ACVR2B: variants seen among roughly 807,000 people sequenced by gnomAD.
ACVR2B encodes activin A receptor type 2B.
ACVR2B carries 18 observed loss-of-function variants against 65.1 expected under a neutral mutation model. That is an observed-to-expected ratio of 0.28 (90% CI 0.19 to 0.41). ACVR2B has a LOEUF of 0.41. Ranked by LOEUF, ACVR2B falls within the 10% of genes least tolerant of loss-of-function variation. The pLI, the probability that ACVR2B is intolerant of heterozygous loss-of-function variation, is 1.00. For missense variants in ACVR2B, 482 were observed against 682.7 expected (o/e 0.71, Z 3.28); for synonymous variants, 298 against 277.7 (o/e 1.07, Z -0.73).
rs1191036941 is a variant in ACVR2B, at chr3:38,477,714, G to A, written c.261-147G>A. Reference sequence around the variant, plus strand: ...CCCCTGGCTGTTCTTCCTTGGCTTTGGGTCTCCTGTAGGGGAGGTGAGTTC... The same window carrying A: ...CCCCTGGCTGTTCTTCCTTGGCTTTAGGTCTCCTGTAGGGGAGGTGAGTTC... On this transcript the variant is annotated intron_variant, in intron 2 of 10. Coordinates refer to ENST00000352511, the MANE Select transcript of ACVR2B (RefSeq NM_001106.4). This position sits in a 1 kb window ranked among gnomAD's most constrained non-coding sequence, Gnocchi z 6.7. 4.8e-6 allele frequency: 5 copies of A among 1,052,138 alleles called. No homozygotes were observed. Among genetic ancestry groups the A allele is most frequent in the Non-Finnish European group, 6.0e-6 (4 of 670,534 alleles). 65.2% of individuals were successfully genotyped at this position (1,052,138 alleles called of 1,614,324 possible). A position where few individuals can be genotyped will look rare whatever the true frequency, so the allele number is the denominator to read the frequency against.
Position 38,487,169 on chromosome 3 carries a change from G to A in ACVR2B, c.*3837G>A, listed in dbSNP as rs1224664065. On this transcript the variant is annotated 3_prime_UTR_variant, in exon 11 of 11. Transcript: ENST00000352511. Reference sequence around the variant, plus strand: ...GAGCCTGTGGGACCAGTCCTGCCTGGGGAGGGCATACCCACACGTGCCAGC... The same window carrying A: ...GAGCCTGTGGGACCAGTCCTGCCTGAGGAGGGCATACCCACACGTGCCAGC... 6.6e-6 allele frequency: 1 copy of A among 152,332 alleles called. No individual in the cohort carries two copies. The highest frequency in any genetic ancestry group is 1.5e-5 in the Non-Finnish European group (1 of 68,148). 9.4% of individuals were successfully genotyped at this position (152,332 alleles called of 1,614,324 possible). A position where few individuals can be genotyped will look rare whatever the true frequency, so the allele number is the denominator to read the frequency against.
chr3:38,464,946 T>C lies in ACVR2B; in HGVS notation c.52+10572T>C, dbSNP rs571990271. Among the ~76,000 whole-genome samples the C allele has an allele frequency of 1.5e-4, 23 of 152,258 alleles. No homozygotes were observed. The South Asian group carries it at 4.6e-3, about 30-fold the overall frequency. ...GGTACCTTTAGACATGTTAATTCTTTCTAGAGGATTTATGTCATCCTAGGC... is the reference window on the plus strand; with the variant it reads ...GGTACCTTTAGACATGTTAATTCTTCCTAGAGGATTTATGTCATCCTAGGC... On this transcript the variant is annotated intron_variant, in intron 1 of 10. Transcript: ENST00000352511.
rs1320772665 is a variant in ACVR2B at position 38,489,707 on chromosome 3, G to T, written c.*6375G>T. 1 of 152,604 alleles carries T rather than the reference G, an allele frequency of 6.6e-6. No homozygotes were observed. The highest frequency in any genetic ancestry group is 1.5e-5 in the Non-Finnish European group (1 of 68,034). 9.5% of individuals were successfully genotyped at this position (152,604 alleles called of 1,614,324 possible). On this transcript the variant is annotated 3_prime_UTR_variant, in exon 11 of 11. Transcript: ENST00000352511. ...GAGAGTGTTTGGGGGAACAGAAATT[G>T]TATAGGGGTGCCTATTGGGGTGGGA...
intron 1 of ACVR2B, among the ~76,000 whole-genome samples, chr3:38,458,856 G>A (rs1472370859): frequency 2.0e-5 from 3 of 152,140 alleles, no homozygotes; most frequent in African/African-American, 7.2e-5. Flanking sequence ...TCTCAACCTT[G>A]ACACTATTAC....
intron 1 of ACVR2B, among the ~76,000 whole-genome samples, chr3:38,462,470 A>G (rs975739302): frequency 1.3e-5 from 2 of 152,168 alleles, no homozygotes; most frequent in Non-Finnish European, 2.9e-5. Context: ...AAGGTTAACT[A>G]CTATTCTAAC....
At position 38,479,108 on chromosome 3, in the gene ACVR2B, C is replaced by CTCG; in HGVS notation, c.667-20_667-19insTCG. 1.9e-6 allele frequency: 3 copies of CTCG among 1,613,852 alleles called. No individual in the cohort carries two copies. Among genetic ancestry groups the CTCG allele is most frequent in the African/African-American group, 1.3e-5 (1 of 74,908 alleles). ...CTAAGCCAGCCACTTGTCCCCCCAA[C>CTCG]CCCTCGCCCCCGGCCTCAGGACAAG... On this transcript the variant is annotated intron_variant, in intron 5 of 10. Coordinates refer to ENST00000352511, the MANE Select transcript of ACVR2B (RefSeq NM_001106.4).
At chr3:38,457,003 G>A (rs138303331) in intron 1 of ACVR2B, among the ~76,000 whole-genome samples, 3,834 of 152,204 alleles carry the variant, frequency 0.025, 168 homozygotes, top group African/African-American at 0.086. Flanking sequence ...TCAAGAGATC[G>A]AGACCATCCT....
At position 38,485,862 on chromosome 3, in the gene ACVR2B, G is replaced by A. The variant is rs1036415357; in HGVS notation, c.*2530G>A. 1.3e-5 allele frequency: 2 copies of A among 152,382 alleles called. No homozygotes were observed. The highest frequency in any genetic ancestry group is 2.9e-5 in the Non-Finnish European group (2 of 67,984). The allele number at this position is 152,382 out of a possible 1,614,324, so 9.4% of individuals were successfully genotyped here. On this transcript the variant is annotated 3_prime_UTR_variant, in exon 11 of 11. Transcript: ENST00000352511. ...TTCTTTAGCTTTCGCCTCAGGCAGT[G>A]CAGGCATCTTTACTTTTCATCCTCA...
Position 38,483,224 on chromosome 3 carries a change from G to A in ACVR2B, c.1431G>A (p.Arg477=), listed in dbSNP as rs1710049889. Residue 477 remains arginine, a synonymous_variant, in exon 11 of 11, where the codon CGG becomes CGA. Transcript: ENST00000352511. The surrounding 1 kb of genome is among the most constrained non-coding windows in gnomAD (Gnocchi z 4.8). ...ARLSAGCVEE[R]VSLIRRSVNG... is the part of the protein sequence containing the mutation. ...TGTCCGCGGGCTGTGTGGAGGAGCG[G>A]GTGTCCCTGATTCGGAGGTCGGTCA... 2 of 1,613,984 alleles carry A rather than the reference G, an allele frequency of 1.2e-6. No individual in the cohort carries two copies. The highest frequency in any genetic ancestry group is 1.7e-6 in the Non-Finnish European group (2 of 1,180,030).
At chr3:38,468,390 G>A (rs1356830085) in intron 1 of ACVR2B, among the ~76,000 whole-genome samples, 1 of 152,106 alleles carries the variant, frequency 6.6e-6, no homozygotes, top group African/African-American at 2.4e-5. Context: ...TTGAGAACTA[G>A]GGGTTCCTGT....
intron 1 of ACVR2B, among the ~76,000 whole-genome samples, chr3:38,466,409 C>G (rs529118974): frequency 6.6e-6 from 1 of 152,240 alleles, no homozygotes; most frequent in Admixed American, 6.5e-5. Context: ...TTGTTAATTA[C>G]CCTGATTTGA....
At position 38,478,239 on chromosome 3, in the gene ACVR2B, T is replaced by G. The variant is rs1709948022; in HGVS notation, c.469T>G (p.Phe157Val). The change falls in exon 4 of 11, where the codon TTT becomes GTT. Residue 157 changes from phenylalanine to valine, a missense_variant. Phe to Val is a conservative substitution (Grantham distance 50). Transcript: ENST00000352511. ...GGLSLIVLLA[F>V]WMYRHRKPPY... ...CCTTTCCCTCATCGTCCTGCTGGCC[T>G]TTTGGATGTACCGGCATCGCAAGCC... 6.2e-7 allele frequency: 1 copy of G among 1,613,994 alleles called. No homozygotes were observed. The highest frequency in any genetic ancestry group is 8.5e-7 in the Non-Finnish European group (1 of 1,180,010).
At chr3:38,460,641 G>A (rs763059291) in intron 1 of ACVR2B, among the ~76,000 whole-genome samples, 2 of 152,148 alleles carry the variant, frequency 1.3e-5, no homozygotes, top group African/African-American at 2.4e-5. Flanking sequence ...ATTCATGGAC[G>A]CATGACCTCT....
rs1245025263 is a variant in ACVR2B, at chr3:38,486,576, G to A, written c.*3244G>A. On this transcript the variant is annotated 3_prime_UTR_variant, in exon 11 of 11. Coordinates refer to ENST00000352511, the MANE Select transcript of ACVR2B (RefSeq NM_001106.4). ...GGGCTCAGATAATTGGTTTCTTTTT[G>A]TTTTTGACCTCAGGCTCTGTGGCAG... 3 of 152,134 alleles carry A rather than the reference G, an allele frequency of 2.0e-5. No homozygotes were observed. The East Asian group carries it at 5.8e-4, about 29-fold the overall frequency. The allele number at this position is 152,134 out of a possible 1,614,324, so 9.4% of individuals were successfully genotyped here. A position where few individuals can be genotyped will look rare whatever the true frequency, so the allele number is the denominator to read the frequency against.
intron 1 of ACVR2B, among the ~76,000 whole-genome samples, chr3:38,463,419 C>T (rs1709681176): frequency 6.6e-6 from 1 of 152,144 alleles, no homozygotes; most frequent in Non-Finnish European, 1.5e-5. Flanking sequence ...ATTTTAGAGT[C>T]TGGTGAGAAG....
Position 38,482,566 on chromosome 3 carries a change from G to C in ACVR2B, c.1344+6G>C, listed in dbSNP as rs762644398. ...ATCACTGGTTGAAACACCCGGTAAG[G>C]GGCCTGGTTCAGGCAACTTTGCAGG... On this transcript the variant is annotated splice_donor_region_variant and intron_variant, in intron 10 of 10. Coordinates refer to ENST00000352511, the MANE Select transcript of ACVR2B (RefSeq NM_001106.4). 6.2e-7 allele frequency: 1 copy of C among 1,609,218 alleles called. No homozygotes were observed. The highest frequency in any genetic ancestry group is 8.5e-7 in the Non-Finnish European group (1 of 1,179,006).
chr3:38,479,462 C>T (rs1178807846), intron 6 of ACVR2B, among the ~76,000 whole-genome samples, 191 bp downstream of exon 6: 4 of 152,172 alleles, frequency 2.6e-5, no homozygotes, highest in Non-Finnish European at 5.9e-5. Flanking sequence ...GAACCTCTCA[C>T]CCTGGGATAA....
intron 1 of ACVR2B, among the ~76,000 whole-genome samples, chr3:38,460,771 C>T (rs1251059961): frequency 6.6e-6 from 1 of 152,224 alleles, no homozygotes; most frequent in African/African-American, 2.4e-5. Context: ...TGGCCAGTTT[C>T]TGGGCTGGAG....
At chr3:38,455,177 A>G (rs1709525830) in intron 1 of ACVR2B, among the ~76,000 whole-genome samples, 1 of 151,822 alleles carries the variant, frequency 6.6e-6, no homozygotes. Flanking sequence ...GCGGGCGTAA[A>G]CAAGCGGAGT....
Sources: allele counts gnomAD v4.1 joint callset (sites outside exome capture counted in the v4.1 genomes callset), GRCh38; gene constraint gnomAD v4.1.1; non-coding constraint Gnocchi (gnomAD v3.1); transcripts MANE v1.5; gene names NCBI Gene and HGNC (gene_info 2026-07-23, HGNC 2026-07-21).